The following WWOX variants were observed in gnomAD, a reference collection of about 807,000 sequenced individuals.
WWOX encodes the protein WW domain-containing oxidoreductase.
In WWOX, 69 loss-of-function variants were observed where a neutral mutation model predicts 46.2. The ratio of observed to expected loss-of-function variants is 1.49; its 90% CI spans 1.23 to 1.82. WWOX has a LOEUF of 1.82. WWOX is among the 40% of genes most tolerant of loss of function. The pLI, the probability that WWOX is intolerant of heterozygous loss-of-function variation, is 0.00. For missense variants in WWOX, 919 were observed against 542.6 expected, an observed-to-expected ratio of 1.69 and a Z score of -6.89; for synonymous variants, 359 against 202.6, an observed-to-expected ratio of 1.77 and a Z score of -6.56.
intron 8 of WWOX, among the ~76,000 whole-genome samples, chr16:78,496,889 G>A (rs1567606700): frequency 6.6e-6 from 1 of 152,202 alleles, no homozygotes; most frequent in Non-Finnish European, 1.5e-5. Flanking sequence ...AATGACTGTT[G>A]AAGCCAGATG....
At chr16:78,874,191 G>A (rs374770203) in intron 8 of WWOX, among the ~76,000 whole-genome samples, 13 of 151,502 alleles carry the variant, frequency 8.6e-5, no homozygotes, top group African/African-American at 2.9e-4. Context: ...AGGAGGTGAA[G>A]GTTGCAGTGA....
At chr16:78,402,996 T>G (rs1009509588) in intron 6 of WWOX, among the ~76,000 whole-genome samples, 6 of 152,192 alleles carry the variant, frequency 3.9e-5, no homozygotes, top group African/African-American at 1.4e-4. Flanking sequence ...TCAGAGTACA[T>G]TAATTTTTAT....
In WWOX at chr16:78,473,642, A is replaced by C. The variant is rs59692271; in HGVS notation, c.1056+40890A>C. Among the ~76,000 whole-genome samples, 588 of 152,270 alleles carry C rather than the reference A, an allele frequency of 3.9e-3. 5 individuals are homozygous for C. The highest frequency in any genetic ancestry group is 0.013 in the African/African-American group (556 of 41,550). On this transcript the variant is annotated intron_variant, in intron 8 of 8. Coordinates refer to ENST00000566780, the MANE Select transcript of WWOX (RefSeq NM_016373.4). ...AATGTGGAAAGATGAGAATGTTGCC[A>C]CCAGTGCTGATATGGAGCGTTTTTT...
chr16:79,042,317 C>G (rs2047986828), intron 8 of WWOX, among the ~76,000 whole-genome samples: 1 of 152,150 alleles, frequency 6.6e-6, no homozygotes, highest in African/African-American at 2.4e-5. Flanking sequence ...CTTCCCTGAC[C>G]TTTTGGCTTG....
At chr16:78,585,359 GA>G (rs1259650634) in intron 8 of WWOX, among the ~76,000 whole-genome samples, 1 of 152,178 alleles carries the variant, frequency 6.6e-6, no homozygotes, top group Non-Finnish European at 1.5e-5. Context: ...CAGGAGGCTG[GA>G]AATTCGTTAG....
At chr16:78,439,023 T>C (rs560304611) in intron 8 of WWOX, among the ~76,000 whole-genome samples, 2 of 152,296 alleles carry the variant, frequency 1.3e-5, no homozygotes, top group Admixed American at 6.5e-5. Context: ...ATTAGTATTT[T>C]AGAAAAATAC....
chr16:79,055,269 C>A (rs79865642), intron 8 of WWOX, among the ~76,000 whole-genome samples: 4,629 of 150,054 alleles, frequency 0.031, 228 homozygotes, highest in African/African-American at 0.11. Context: ...ATTAACATTA[C>A]ATTTTGCTGA....
intron 5 of WWOX, among the ~76,000 whole-genome samples, chr16:78,348,665 C>T (rs946781909): frequency 8.4e-6 from 1 of 119,330 alleles, no homozygotes. Context: ...CCCATGTTGC[C>T]CAGGCTGGTC....
intron 8 of WWOX, among the ~76,000 whole-genome samples, chr16:78,474,321 A>G (rs1203291490): frequency 6.6e-6 from 1 of 152,192 alleles, no homozygotes; most frequent in Non-Finnish European, 1.5e-5. Flanking sequence ...TTTTGATTTC[A>G]GCACCTTTCT....
intron 8 of WWOX, among the ~76,000 whole-genome samples, chr16:79,160,344 G>A (rs2050460950): frequency 6.6e-6 from 1 of 152,138 alleles, no homozygotes; most frequent in Non-Finnish European, 1.5e-5. Context: ...CCAAGCGGGA[G>A]GTGGAGGGTT....
At chr16:79,013,309 C>T (rs1567484503) in intron 8 of WWOX, among the ~76,000 whole-genome samples, 2 of 152,154 alleles carry the variant, frequency 1.3e-5, no homozygotes, top group South Asian at 2.1e-4. Context: ...CTCTGATCTG[C>T]CAGCAGGCTG....
chr16:78,753,478 G>A (rs2049539691), intron 8 of WWOX, among the ~76,000 whole-genome samples: 2 of 151,940 alleles, frequency 1.3e-5, no homozygotes, highest in Admixed American at 1.3e-4. Context: ...AAATATTACT[G>A]CAGAGTTTTA....
At chr16:78,444,314 T>C (rs556982873) in intron 8 of WWOX, among the ~76,000 whole-genome samples, 3 of 152,250 alleles carry the variant, frequency 2.0e-5, no homozygotes, top group East Asian at 3.9e-4. Flanking sequence ...AGTTTTCTTA[T>C]CTGTAAAATG....
chr16:79,019,385 A>T (rs1460505717), intron 8 of WWOX, among the ~76,000 whole-genome samples: 1 of 152,104 alleles, frequency 6.6e-6, no homozygotes, highest in Non-Finnish European at 1.5e-5. Context: ...CTACAAAGCT[A>T]TGCAACGTGT....
At chr16:78,949,811 G>A (rs1045523568) in intron 8 of WWOX, among the ~76,000 whole-genome samples, 1 of 152,148 alleles carries the variant, frequency 6.6e-6, no homozygotes, top group Non-Finnish European at 1.5e-5. Flanking sequence ...TTGTCTAGTG[G>A]GAGAAATCTC....
chr16:79,029,919 C>G (rs1056235069), intron 8 of WWOX, among the ~76,000 whole-genome samples: 1 of 152,132 alleles, frequency 6.6e-6, no homozygotes, highest in Non-Finnish European at 1.5e-5. Flanking sequence ...GGTCACTTTA[C>G]TGGTATAATA....
At chr16:78,384,133 A>C (rs1045178074) in intron 5 of WWOX, among the ~76,000 whole-genome samples, 11 of 152,146 alleles carry the variant, frequency 7.2e-5, no homozygotes, top group African/African-American at 2.7e-4. Context: ...GCGTTTTTAT[A>C]ATATGTAGCC....
At position 78,773,440 on chromosome 16, in the gene WWOX, G is replaced by T. The variant is rs549835664; in HGVS notation, c.1056+340688G>T. ...AGAGCGCAGACATTTGGCTCCCCTC[G>T]GGACATTCCTCCCTCATTTAAAACA... On this transcript the variant is annotated intron_variant, in intron 8 of 8. Transcript: ENST00000566780. Among the ~76,000 whole-genome samples the T allele has an allele frequency of 2.6e-5, 4 of 152,266 alleles. No homozygotes were observed. The South Asian group carries it at 6.2e-4, about 24-fold the overall frequency.
chr16:78,401,414 T>G (rs949367768), intron 6 of WWOX, among the ~76,000 whole-genome samples: 2 of 152,174 alleles, frequency 1.3e-5, no homozygotes, highest in African/African-American at 4.8e-5. Context: ...TGAAATAATG[T>G]TTTGGTCTAG....
Sources: allele counts gnomAD v4.1 joint callset (sites outside exome capture counted in the v4.1 genomes callset), GRCh38; gene constraint gnomAD v4.1.1; transcripts MANE v1.5; gene names NCBI Gene and HGNC (gene_info 2026-07-23, HGNC 2026-07-21).